Variants in EZH2 observed in about 807,000 individuals in gnomAD.
EZH2 encodes enhancer of zeste 2 polycomb repressive complex 2 subunit.
In EZH2, 18 loss-of-function variants were observed where a neutral mutation model predicts 98.4. The ratio of observed to expected loss-of-function variants is 0.18; its 90% confidence interval spans 0.13 to 0.27. The LOEUF (loss-of-function observed/expected upper bound fraction) is 0.27. Ranked by LOEUF, EZH2 falls within the 10% of genes least tolerant of loss-of-function variation. The pLI, the probability that EZH2 is intolerant of heterozygous loss-of-function variation, is 1.00. For synonymous variants in EZH2, 338 were observed against 312.3 expected (o/e 1.08, Z -0.87); for missense variants, 470 against 935.1 (o/e 0.50, Z 6.49).
In EZH2 at chr7:148,842,022, T is replaced by A. The variant is rs1812581333; in HGVS notation, c.246+4448A>T. ...TTTTAAATTCTTCATACGAGGACCG[T>A]GATCCCCTTCTGATGCTGCTTCTAT... On this transcript the variant is annotated intron_variant, in intron 3 of 19. Coordinates refer to ENST00000320356, the MANE Select transcript of EZH2 (RefSeq NM_004456.5). Among the ~76,000 whole-genome samples, 3 of 152,224 alleles carry A rather than the reference T, an allele frequency of 2.0e-5. No homozygotes were observed. The South Asian group carries it at 6.2e-4, about 31-fold the overall frequency.
At chr7:148,873,778 G>C (rs910591550) in intron 1 of EZH2, among the ~76,000 whole-genome samples, 3 of 151,784 alleles carry the variant, frequency 2.0e-5, no homozygotes, top group Non-Finnish European at 4.4e-5. Flanking sequence ...TATTTTATTA[G>C]TACTTACAAT....
chr7:148,829,706 AGAG>A lies in EZH2; in HGVS notation c.484+19_484+21del. ...CTCAATTCTTTAGCCCCTTTTTCCA[AGAG>A]AAGAAGCATATGGCTCACCTCTATC... On this transcript the variant is annotated intron_variant, in intron 5 of 19. Coordinates refer to ENST00000320356, the MANE Select transcript of EZH2 (RefSeq NM_004456.5). 1 of 1,599,140 alleles carries A rather than the reference AGAG, an allele frequency of 6.3e-7. No homozygotes were observed. Among genetic ancestry groups the A allele is most frequent in the South Asian group, 1.1e-5 (1 of 87,010 alleles).
intron 17 of EZH2, 128 bp from the exon 18 acceptor site, chr7:148,809,518 G>A: frequency 1.6e-6 from 1 of 630,746 alleles, no homozygotes. Context: ...AATAAATCAA[G>A]CAGCTTCATT....
chr7:148,856,542 C>G (rs1451101450), intron 1 of EZH2, among the ~76,000 whole-genome samples: 1 of 152,194 alleles, frequency 6.6e-6, no homozygotes, highest in African/African-American at 2.4e-5. Context: ...GCACCCAAGA[C>G]TTTTGTTTCT....
chr7:148,846,702 T>C, intron 2 of EZH2, 104 bp from the exon 3 acceptor site: 1 of 1,016,068 alleles, frequency 9.8e-7, no homozygotes. Flanking sequence ...CTCAAAAATA[T>C]CAAGAACATT....
At chr7:148,835,033 C>T (rs1384684844) in intron 3 of EZH2, among the ~76,000 whole-genome samples, 1 of 152,156 alleles carries the variant, frequency 6.6e-6, no homozygotes, top group Admixed American at 6.5e-5. Flanking sequence ...CTGCAACACC[C>T]GTGAGCTTAA....
chr7:148,875,867 G>A (rs1042108324), intron 1 of EZH2, among the ~76,000 whole-genome samples: 5 of 152,178 alleles, frequency 3.3e-5, no homozygotes, highest in African/African-American at 1.2e-4. Context: ...AATTCAGAGA[G>A]TTTACTACAA....
At chr7:148,881,873 G>A (rs1320414060) in intron 1 of EZH2, among the ~76,000 whole-genome samples, 1 of 150,804 alleles carries the variant, frequency 6.6e-6, no homozygotes, top group Non-Finnish European at 1.5e-5. Flanking sequence ...GGCAGAGATT[G>A]TAGTGAGCCC....
chr7:148,858,135 A>G (rs1817116097), intron 1 of EZH2, among the ~76,000 whole-genome samples: 1 of 151,910 alleles, frequency 6.6e-6, no homozygotes, highest in Non-Finnish European at 1.5e-5. Context: ...TACTAAAAAT[A>G]CAAAAAATTA....
At chr7:148,820,043 A>T (rs532416485) in intron 8 of EZH2, among the ~76,000 whole-genome samples, 1 of 152,366 alleles carries the variant, frequency 6.6e-6, no homozygotes, top group African/African-American at 2.4e-5. Context: ...CAATTAAATC[A>T]GATTTCCTAT....
chr7:148,833,610 C>T (rs1422172078), intron 3 of EZH2, among the ~76,000 whole-genome samples: 2 of 152,120 alleles, frequency 1.3e-5, no homozygotes, highest in East Asian at 3.8e-4. Context: ...GTGTTTCAAT[C>T]ACAACAAAGT....
chr7:148,843,599 T>G (rs1346185825), intron 3 of EZH2, among the ~76,000 whole-genome samples: 3 of 115,090 alleles, frequency 2.6e-5, no homozygotes, highest in Admixed American at 8.9e-5. Flanking sequence ...TTTTTTTTTT[T>G]TTTTTTTTTT....
intron 8 of EZH2, among the ~76,000 whole-genome samples, 157 bp from the exon 9 acceptor site, chr7:148,819,844 G>C (rs1052586443): frequency 6.6e-6 from 1 of 152,162 alleles, no homozygotes; most frequent in African/African-American, 2.4e-5. Context: ...CTTACTGAAT[G>C]ATCACAACGT....
intron 1 of EZH2, among the ~76,000 whole-genome samples, chr7:148,861,228 CTTT>C (rs200267826): frequency 1.6e-4 from 21 of 133,378 alleles, no homozygotes; most frequent in Admixed American, 1.5e-4. Flanking sequence ...TTATTTGTAT[CTTT>C]TTTTTTTTTT....
chr7:148,873,895 C>A (rs1053276512), intron 1 of EZH2, among the ~76,000 whole-genome samples: 1 of 152,020 alleles, frequency 6.6e-6, no homozygotes, highest in Admixed American at 6.6e-5. Context: ...TGTTATGGTA[C>A]TTCTAAGCAG....
intron 19 of EZH2, among the ~76,000 whole-genome samples, chr7:148,808,543 C>A (rs192515323): frequency 1.3e-5 from 2 of 152,350 alleles, no homozygotes; most frequent in Admixed American, 1.3e-4. Context: ...CACACAGATA[C>A]CATTGGTGGC....
chr7:148,814,447 G>A (rs1804010684), intron 14 of EZH2, among the ~76,000 whole-genome samples: 1 of 152,204 alleles, frequency 6.6e-6, no homozygotes, highest in South Asian at 2.1e-4. Context: ...ATAGCCCCTA[G>A]TTCTAAACAC....
chr7:148,871,664 T>G (rs1166519349), intron 1 of EZH2, among the ~76,000 whole-genome samples: 2 of 150,506 alleles, frequency 1.3e-5, no homozygotes, highest in African/African-American at 2.4e-5. Flanking sequence ...AGCCTCGACC[T>G]CCCAGGCTCA....
intron 5 of EZH2, 131 bp downstream of exon 5, chr7:148,829,597 C>G: frequency 1.1e-6 from 1 of 947,392 alleles, no homozygotes; most frequent in South Asian, 1.8e-5. Context: ...GGCCCAGGTT[C>G]AGTCCCTTAT....
Sources: allele counts gnomAD v4.1 joint callset (sites outside exome capture counted in the v4.1 genomes callset), GRCh38; gene constraint gnomAD v4.1.1; transcripts MANE v1.5; gene names NCBI Gene and HGNC (gene_info 2026-07-23, HGNC 2026-07-21).